CDK5RAP2: variants seen among roughly 807,000 people sequenced by gnomAD.
CDK5RAP2 encodes the protein CDK5 regulatory subunit-associated protein 2.
CDK5RAP2 carries 147 observed loss-of-function variants against 232.9 expected under a neutral mutation model. That is an observed-to-expected ratio of 0.63 (90% CI 0.55 to 0.72). The LOEUF is 0.72. Ranked by LOEUF, CDK5RAP2 falls within the 30% of genes least tolerant of loss-of-function variation. The pLI, the probability that CDK5RAP2 is intolerant of heterozygous loss-of-function variation, is 0.00. For missense variants in CDK5RAP2, 2,195 were observed against 2,231.5 expected (o/e 0.98, Z 0.33); for synonymous variants, 833 against 833.7 (o/e 1.00, Z 0.01).
chr9:120,462,340 G>C (rs1033342271), intron 18 of CDK5RAP2, among the ~76,000 whole-genome samples: 1 of 151,750 alleles, frequency 6.6e-6, no homozygotes, highest in Non-Finnish European at 1.5e-5. Context: ...TATCAAACTT[G>C]TTGGTGGGAA....
At chr9:120,451,070 T>C (rs1371102906) in intron 21 of CDK5RAP2, among the ~76,000 whole-genome samples, 1 of 152,214 alleles carries the variant, frequency 6.6e-6, no homozygotes, top group Non-Finnish European at 1.5e-5. Flanking sequence ...CTGTGTGTCA[T>C]ATGGCAGCAG....
intron 18 of CDK5RAP2, among the ~76,000 whole-genome samples, chr9:120,465,350 AAT>A (rs1564256691): frequency 1.3e-5 from 2 of 152,204 alleles, no homozygotes; most frequent in African/African-American, 2.4e-5. Context: ...CCAGCAAATA[AAT>A]ATGAGAAAAT....
intron 27 of CDK5RAP2, among the ~76,000 whole-genome samples, chr9:120,418,324 T>C (rs916586231): frequency 6.6e-6 from 1 of 152,122 alleles, no homozygotes; most frequent in Non-Finnish European, 1.5e-5. Flanking sequence ...GTTGGGGTGG[T>C]GGACAGGGCG....
intron 3 of CDK5RAP2, among the ~76,000 whole-genome samples, chr9:120,562,409 C>T (rs971992155): frequency 2.6e-5 from 4 of 152,136 alleles, no homozygotes; most frequent in African/African-American, 9.7e-5. Context: ...GTACTTAACA[C>T]TTTTACCCCA....
chr9:120,497,795 T>C (rs2131691723), intron 12 of CDK5RAP2, among the ~76,000 whole-genome samples: 1 of 152,256 alleles, frequency 6.6e-6, no homozygotes, highest in Non-Finnish European at 1.5e-5. Flanking sequence ...TCTGACATAA[T>C]GTAAAAGAGT....
intron 12 of CDK5RAP2, among the ~76,000 whole-genome samples, chr9:120,506,262 C>T (rs943503611): frequency 6.6e-6 from 1 of 152,194 alleles, no homozygotes; most frequent in Admixed American, 6.5e-5. Context: ...CATCTGTTTA[C>T]GGCATGGTTT....
intron 11 of CDK5RAP2, among the ~76,000 whole-genome samples, chr9:120,520,004 T>C (rs1316780161): frequency 1.3e-5 from 2 of 151,850 alleles, no homozygotes; most frequent in African/African-American, 2.4e-5. Flanking sequence ...GCAAAATAAG[T>C]CAAGAATATG....
chr9:120,400,799 C>T lies in CDK5RAP2; in HGVS notation c.5394G>A (p.Lys1798=), dbSNP rs1203517053. ...CGGGGAGTGAGACTCTCCAGAGAAG[C>T]TTCAGCCGCCTGTAGGCCTCTTCCA... The part of the protein sequence containing the change: ...LTLEEAYRRL[K]LLWRVSLPED... The change falls in exon 35 of 38, where the codon AAG becomes AAA. Residue 1798 remains lysine, a synonymous_variant. Transcript: ENST00000349780. 3 of 1,614,090 alleles carry T rather than the reference C, an allele frequency of 1.9e-6. No individual in the cohort carries two copies. Among genetic ancestry groups the T allele is most frequent in the Non-Finnish European group, 2.5e-6 (3 of 1,180,048 alleles).
At position 120,407,009 on chromosome 9, in the gene CDK5RAP2, T is replaced by C. The variant is rs1588249296; in HGVS notation, c.4963+3A>G. On this transcript the variant is annotated splice_donor_region_variant and intron_variant, in intron 32 of 37. Transcript: ENST00000349780. ...AGCAAGTGGGGAGAGGCAGGGGCAG[T>C]ACCGTGTTTGTCAGGCTGAAGGGGC... 2.5e-6 allele frequency: 4 copies of C among 1,606,788 alleles called. No homozygotes were observed. The highest frequency in any genetic ancestry group is 1.3e-5 in the African/African-American group (1 of 74,788).
At chr9:120,562,102 TTTTCA>T (rs1298507223) in intron 3 of CDK5RAP2, among the ~76,000 whole-genome samples, 1 of 152,192 alleles carries the variant, frequency 6.6e-6, no homozygotes, top group East Asian at 1.9e-4. Flanking sequence ...TCCTTCCAGT[TTTTCA>T]CAATTATACA....
At chr9:120,441,014 G>A (rs1395299598) in intron 23 of CDK5RAP2, among the ~76,000 whole-genome samples, 1 of 152,212 alleles carries the variant, frequency 6.6e-6, no homozygotes, top group South Asian at 2.1e-4. Context: ...TTCAGAAGTG[G>A]AGTAGTACAG....
intron 13 of CDK5RAP2, 83 bp from the exon 14 acceptor site, chr9:120,487,520 ATATTT>A (rs2038678726): frequency 6.3e-6 from 7 of 1,107,518 alleles, no homozygotes; most frequent in Non-Finnish European, 8.9e-6. Flanking sequence ...TTAAGGAAAA[ATATTT>A]TATTTTTTCA....
At chr9:120,492,858 G>T (rs1487159942) in intron 12 of CDK5RAP2, among the ~76,000 whole-genome samples, 2 of 152,058 alleles carry the variant, frequency 1.3e-5, no homozygotes, top group Non-Finnish European at 2.9e-5. Context: ...AAACATAGAA[G>T]AAGTTAAAAC....
chr9:120,412,099 G>A (rs1302469319), intron 28 of CDK5RAP2, among the ~76,000 whole-genome samples: 1 of 152,116 alleles, frequency 6.6e-6, no homozygotes, highest in African/African-American at 2.4e-5. Flanking sequence ...TGCCAATGGG[G>A]TTATTATCCT....
At chr9:120,395,579 C>T (rs1395908765) in intron 35 of CDK5RAP2, among the ~76,000 whole-genome samples, 5 of 152,352 alleles carry the variant, frequency 3.3e-5, no homozygotes, top group East Asian at 1.9e-4. Context: ...AGAAAAGCAC[C>T]GTGGCACAGG....
In CDK5RAP2 at chr9:120,440,340, T is replaced by C. The variant is rs554276938; in HGVS notation, c.3149-368A>G. ...CAGGCAACCTTTCCAGGAATATCTCTGGCACCACTCTGGAGATTTCCTACA... is the reference window on the plus strand; with the variant it reads ...CAGGCAACCTTTCCAGGAATATCTCCGGCACCACTCTGGAGATTTCCTACA... On this transcript the variant is annotated intron_variant, in intron 23 of 37. Coordinates refer to ENST00000349780, the MANE Select transcript of CDK5RAP2 (RefSeq NM_018249.6). The C allele has an allele frequency of 9.2e-4, 287 of 312,606 alleles. 1 individual carries two copies. Among genetic ancestry groups the C allele is most frequent in the Non-Finnish European group, 1.4e-3 (233 of 163,242 alleles). 19.4% of individuals were successfully genotyped at this position (312,606 alleles called of 1,614,324 possible).
Position 120,439,688 on chromosome 9 carries a change from T to C in CDK5RAP2, c.3433A>G (p.Thr1145Ala). The change falls in exon 24 of 38, where the codon ACA becomes GCA. Residue 1145 changes from threonine to alanine, a missense_variant. Coordinates refer to ENST00000349780, the MANE Select transcript of CDK5RAP2 (RefSeq NM_018249.6). The stretch of plus-strand genomic sequence containing the variant: ...GCCCCTTCTGTCCCACACAAAACTG[T>C]AATTATGGCCTCACTGCACTGGGAG... ...KHSQCSEAII[T>A]VLCGTEGAQD... 1 of 1,614,248 alleles carries C rather than the reference T, an allele frequency of 6.2e-7. No homozygotes were observed. Among genetic ancestry groups the C allele is most frequent in the Non-Finnish European group, 8.5e-7 (1 of 1,180,042 alleles).
In CDK5RAP2 at chr9:120,536,085, T is replaced by C. The variant is rs1387012819; in HGVS notation, c.662+287A>G. 2.0e-5 allele frequency among the ~76,000 whole-genome samples: 3 copies of C among 152,196 alleles called. No homozygotes were observed. In the East Asian group the frequency reaches 5.8e-4, roughly 29 times the overall value. The stretch of plus-strand genomic sequence containing the variant: ...TTTCCTTTGGCTCCCAGGAAGCTCA[T>C]GGGCAAAATCAAATGCTAACTTTAG... On this transcript the variant is annotated intron_variant, in intron 7 of 37. Transcript: ENST00000349780.
intron 12 of CDK5RAP2, among the ~76,000 whole-genome samples, chr9:120,511,362 AT>A (rs2040074294): frequency 6.6e-6 from 1 of 152,134 alleles, no homozygotes; most frequent in African/African-American, 2.4e-5. Flanking sequence ...TTTCTAACTG[AT>A]TTTGTAGTTC....
Sources: gnomAD v4.1 joint callset for allele counts (sites outside exome capture counted in the v4.1 genomes callset) on GRCh38, gnomAD v4.1.1 for gene constraint, MANE v1.5 for transcripts, NCBI Gene and HGNC (gene_info 2026-07-23, HGNC 2026-07-21) for gene names.